DOCK1: variants seen among roughly 807,000 people sequenced by gnomAD.
DOCK1 encodes the protein dedicator of cytokinesis 1.
In DOCK1, 138 loss-of-function variants were observed where a neutral mutation model predicts 262.7. The observed-to-expected ratio is 0.53, with a 90% confidence interval of 0.46 to 0.61. The LOEUF (loss-of-function observed/expected upper bound fraction) is 0.61. Ranked by LOEUF, DOCK1 falls within the 20% of genes least tolerant of loss-of-function variation. The probability of loss-of-function intolerance (pLI) is 0.00; values close to 1 mark genes in which losing one functional copy is unlikely to be tolerated. For missense variants in DOCK1, 1,908 were observed against 2,370.7 expected (o/e 0.80, Z 4.05); for synonymous variants, 866 against 867.4 (o/e 1.00, Z 0.03).
At chr10:127,147,280 C>T (rs1408271088) in intron 27 of DOCK1, among the ~76,000 whole-genome samples, 1 of 152,134 alleles carries the variant, frequency 6.6e-6, no homozygotes, top group Non-Finnish European at 1.5e-5. Context: ...TCCCATCCAT[C>T]CTTGGGGGTG....
At position 127,439,109 on chromosome 10, in the gene DOCK1, A is replaced by G. The variant is rs1474043534; in HGVS notation, c.5143A>G (p.Lys1715Glu). 6.3e-7 allele frequency: 1 copy of G among 1,580,716 alleles called. No homozygotes were observed. The highest frequency in any genetic ancestry group is 1.3e-5 in the African/African-American group (1 of 74,330). ...GGACAAGGATGACCTGGAGAAGGAG[A>G]AGAAGGACAAGAAGAAGGAAAAAAG... is the stretch of plus-strand genomic sequence containing the variant. The part of the protein sequence containing the change: ...KLDKDDLEKE[K>E]KDKKKEKRNS... Residue 1715 changes from lysine to glutamate, a missense_variant, in exon 49 of 52, where the codon AAG (lysine) becomes GAG (glutamate). Physicochemically the swap from Lys to Glu is moderately conservative, Grantham distance 56 (BLOSUM62 1). Around this residue, in one of 9 missense-constraint regions of DOCK1, gnomAD observed 383 missense variants for 420.1 expected, o/e 0.91. Coordinates refer to ENST00000623213, the MANE Select transcript of DOCK1 (RefSeq NM_001290223.2).
chr10:127,081,824 C>A (rs2046916326), intron 23 of DOCK1, among the ~76,000 whole-genome samples: 1 of 152,064 alleles, frequency 6.6e-6, no homozygotes, highest in Admixed American at 6.5e-5. Flanking sequence ...AAAAATAGAA[C>A]CATTTGAAGT....
chr10:127,115,781 GTCC>G (rs2049142896), intron 25 of DOCK1, among the ~76,000 whole-genome samples: 1 of 152,204 alleles, frequency 6.6e-6, no homozygotes, highest in Non-Finnish European at 1.5e-5. Context: ...GGAGGTGAGA[GTCC>G]TCCTGGAACA....
chr10:127,183,218 T>C (rs1485712295), intron 27 of DOCK1, among the ~76,000 whole-genome samples: 2 of 152,072 alleles, frequency 1.3e-5, no homozygotes, highest in Non-Finnish European at 2.9e-5. Flanking sequence ...CCCAGTCTTA[T>C]TTGAGGATAC....
intron 29 of DOCK1, among the ~76,000 whole-genome samples, chr10:127,285,708 C>T (rs1170872111): frequency 6.6e-6 from 1 of 152,226 alleles, no homozygotes; most frequent in Non-Finnish European, 1.5e-5. Flanking sequence ...CTTCTGGGCA[C>T]TGGTAGTCCC....
intron 33 of DOCK1, among the ~76,000 whole-genome samples, chr10:127,368,703 G>A (rs1316102690): frequency 6.6e-6 from 1 of 152,026 alleles, no homozygotes. Context: ...GCCCTCTCCT[G>A]GCCTTAAGCT....
At chr10:127,447,671 T>C (rs2134837890) in intron 51 of DOCK1, 126 bp downstream of exon 51, 2 of 1,418,026 alleles carry the variant, frequency 1.4e-6, no homozygotes, top group Middle Eastern at 2.0e-4. Flanking sequence ...CCATGTATGA[T>C]GGGCCCGGGT....
At chr10:127,067,817 C>T (rs776704996) in intron 23 of DOCK1, among the ~76,000 whole-genome samples, 1 of 152,130 alleles carries the variant, frequency 6.6e-6, no homozygotes, top group Non-Finnish European at 1.5e-5. Context: ...TGTCAGCTTT[C>T]TGCATTTCTT....
chr10:127,333,017 C>T (rs1010965455), intron 29 of DOCK1, among the ~76,000 whole-genome samples: 2 of 150,076 alleles, frequency 1.3e-5, no homozygotes, highest in African/African-American at 5.1e-5. Context: ...ACTCATTTTT[C>T]TGCAGGGATG....
intron 29 of DOCK1, among the ~76,000 whole-genome samples, chr10:127,306,929 G>A (rs555692118): frequency 5.3e-5 from 8 of 152,250 alleles, no homozygotes; most frequent in East Asian, 1.9e-4. Context: ...AAGTGTACCC[G>A]TTAAATTCAC....
At chr10:127,205,656 C>A (rs572552263) in intron 27 of DOCK1, among the ~76,000 whole-genome samples, 50 of 152,194 alleles carry the variant, frequency 3.3e-4, no homozygotes, top group Non-Finnish European at 6.2e-4. Context: ...GATGACAATA[C>A]ATATTTTGTT....
chr10:127,404,544 A>C, intron 40 of DOCK1, 115 bp downstream of exon 40: 1 of 924,650 alleles, frequency 1.1e-6, no homozygotes, highest in East Asian at 2.7e-5. Context: ...GCAACTCTCT[A>C]CACTGCCATA....
intron 10 of DOCK1, among the ~76,000 whole-genome samples, chr10:127,007,254 C>G (rs2041102864): frequency 6.6e-6 from 1 of 152,104 alleles, no homozygotes; most frequent in African/African-American, 2.4e-5. Context: ...GCCCCTGGGG[C>G]CCCACCAGAC....
chr10:127,042,646 G>T lies in DOCK1; in HGVS notation c.2032G>T (p.Ala678Ser). 6.2e-7 allele frequency: 1 copy of T among 1,614,132 alleles called. No homozygotes were observed. The highest frequency in any genetic ancestry group is 1.1e-5 in the South Asian group (1 of 91,076). Residue 678 changes from alanine to serine, a missense_variant, in exon 20 of 52, where the codon GCC (alanine) becomes TCC (serine). Ala to Ser is a moderately conservative substitution (Grantham distance 99). Around this residue, in one of 9 missense-constraint regions of DOCK1, gnomAD observed 294 missense variants for 439.9 expected, o/e 0.67. Coordinates refer to ENST00000623213, the MANE Select transcript of DOCK1 (RefSeq NM_001290223.2). ...VVKFLQDTLDALFNIMMENSE... is the reference protein window; with the variant it reads ...VVKFLQDTLDSLFNIMMENSE... The stretch of plus-strand genomic sequence containing the variant: ...GCAGTTTCTTCAGGACACGTTGGAT[G>T]CCCTCTTCAACATCATGATGGAGAA...
At chr10:127,390,376 G>T (rs1345849573) in intron 38 of DOCK1, among the ~76,000 whole-genome samples, 1 of 152,146 alleles carries the variant, frequency 6.6e-6, no homozygotes, top group African/African-American at 2.4e-5. Context: ...GTTCTTATGG[G>T]CTGAGTTGCA....
Position 127,100,966 on chromosome 10 carries a change from G to C in DOCK1, c.2446-5265G>C, listed in dbSNP as rs1315301278. On this transcript the variant is annotated intron_variant, in intron 23 of 51. Coordinates refer to ENST00000623213, the MANE Select transcript of DOCK1 (RefSeq NM_001290223.2). This position sits in a 1 kb window ranked among gnomAD's most constrained non-coding sequence, Gnocchi z 5.5. ...CTTTTCCGGGTGAGAGGCTGGTGTG[G>C]GCTTCATGATAGAAAGCAGGAGGCA... is the stretch of plus-strand genomic sequence containing the variant. Among the ~76,000 whole-genome samples, 1 of 152,052 alleles carries C rather than the reference G, an allele frequency of 6.6e-6. No individual in the cohort carries two copies. The highest frequency in any genetic ancestry group is 1.5e-5 in the Non-Finnish European group (1 of 68,030).
chr10:127,048,086 C>A (rs928597570), intron 21 of DOCK1, among the ~76,000 whole-genome samples: 14 of 152,130 alleles, frequency 9.2e-5, no homozygotes, highest in African/African-American at 3.4e-4. Flanking sequence ...TAAGATATTG[C>A]GAGACAGTTC....
chr10:127,185,448 C>G (rs1475238680), intron 27 of DOCK1, among the ~76,000 whole-genome samples: 1 of 152,126 alleles, frequency 6.6e-6, no homozygotes, highest in Non-Finnish European at 1.5e-5. Context: ...ATCGCTTGAA[C>G]CAGGGAGTGG....
At chr10:127,308,410 C>G (rs1052452482) in intron 29 of DOCK1, among the ~76,000 whole-genome samples, 1 of 152,180 alleles carries the variant, frequency 6.6e-6, no homozygotes, top group African/African-American at 2.4e-5. Flanking sequence ...CTTTATTCCT[C>G]TGATCTTTTT....
Sources: allele counts gnomAD v4.1 joint callset (sites outside exome capture counted in the v4.1 genomes callset), GRCh38; gene constraint gnomAD v4.1.1; regional missense constraint gnomAD v4.1.1; non-coding constraint Gnocchi (gnomAD v3.1); transcripts MANE v1.5; gene names NCBI Gene and HGNC (gene_info 2026-07-23, HGNC 2026-07-21).